Variants in PAICS observed in about 807,000 individuals in gnomAD.
The protein encoded by PAICS is bifunctional phosphoribosylaminoimidazole carboxylase/phosphoribosylaminoimidazole succinocarboxamide synthetase.
A neutral mutation model predicts 53.7 loss-of-function variants in PAICS; 33 were observed. The observed-to-expected ratio is 0.61, with a 90% CI of 0.47 to 0.82. The LOEUF (loss-of-function observed/expected upper bound fraction) is 0.82, where lower values mean the gene tolerates loss of function less well. Among genes scored for constraint, PAICS ranks in the 40% least tolerant of loss-of-function variants. PAICS has a pLI of 0.00. For missense variants in PAICS, 394 were observed against 494.1 expected, an observed-to-expected ratio of 0.80 and a Z score of 1.92; for synonymous variants, 141 against 167.2, an observed-to-expected ratio of 0.84 and a Z score of 1.21.
chr4:56,422,671 A>G, the PAICS span: 1 of 152,242 alleles, frequency 6.6e-6, no homozygotes, highest in East Asian at 1.9e-4. Context: ...TGAGGTCATG[A>G]GAGTGGTGCC....
chr4:56,438,402 T>A (rs867727567), intron 1 of PAICS, among the ~76,000 whole-genome samples: 1,360 of 132,144 alleles, frequency 0.01, 19 homozygotes, highest in African/African-American at 0.035. Flanking sequence ...TATATATATA[T>A]AAAAGGTTTT....
At chr4:56,428,508 T>G in the PAICS span, among the ~76,000 whole-genome samples, 15 of 152,168 alleles carry the variant, frequency 9.9e-5, no homozygotes, top group Non-Finnish European at 1.9e-4. Context: ...TATAGCATTT[T>G]ACAAAGAAAA....
the PAICS span, chr4:56,419,821 TAGAC>T: frequency 1.0e-6 from 1 of 984,210 alleles, no homozygotes; most frequent in South Asian, 4.7e-5. Context: ...AAATTTGGAA[TAGAC>T]AGAGACTGGA....
At chr4:56,415,655 CAAAA>C in the PAICS span, among the ~76,000 whole-genome samples, 1 of 151,832 alleles carries the variant, frequency 6.6e-6, no homozygotes, top group East Asian at 1.9e-4. Context: ...TCATACATGC[CAAAA>C]AAACAGCATT....
At chr4:56,432,541 A>AAG (rs1717644150), upstream of PAICS, among the ~76,000 whole-genome samples, 2 of 150,886 alleles carry the variant, frequency 1.3e-5, no homozygotes, top group African/African-American at 4.9e-5. Context: ...AAAAAAAAAA[A>AAG]AAGGGAGGCC....
intron 1 of PAICS, among the ~76,000 whole-genome samples, chr4:56,436,850 A>C (rs1324917423): frequency 2.7e-5 from 4 of 146,218 alleles, no homozygotes; most frequent in African/African-American, 1.0e-4. Context: ...ACAAAAAATT[A>C]GCTGGACGTG....
At chr4:56,429,882 A>C in the PAICS span, among the ~76,000 whole-genome samples, 1 of 152,170 alleles carries the variant, frequency 6.6e-6, no homozygotes, top group African/African-American at 2.4e-5. Context: ...CTTTCATTCA[A>C]CATTGTTTAT....
Position 56,436,663 on chromosome 4 carries a change from G to A in PAICS, c.16+335G>A, listed in dbSNP as rs1487659057. On this transcript the variant is annotated intron_variant, in intron 1 of 8. Coordinates refer to ENST00000512576, the MANE Select transcript of PAICS (RefSeq NM_001079524.2). The stretch of plus-strand genomic sequence containing the variant: ...GTCTTGCTTTGCCCGTTAGGTTAAT[G>A]ACCTTTCTAAGAAGGTTAATAATTG... The A allele has an allele frequency of 3.4e-5, 20 of 582,564 alleles. No individual in the cohort carries two copies. The East Asian group carries it at 6.9e-4, about 20-fold the overall frequency. The allele number at this position is 582,564 out of a possible 1,614,324, so 36.1% of individuals were successfully genotyped here. A position where few individuals can be genotyped will look rare whatever the true frequency, so the allele number is the denominator to read the frequency against.
Position 56,448,596 on chromosome 4 carries a change from A to G in PAICS, c.572A>G (p.Lys191Arg). Residue 191 changes from lysine (K) to arginine (R), a missense_variant and splice_region_variant, in exon 4 of 9, where the codon AAG becomes AGG. Around this residue, in one of 3 missense-constraint regions of PAICS, gnomAD observed 131 missense variants for 205.5 expected, o/e 0.64. Coordinates refer to ENST00000512576, the MANE Select transcript of PAICS (RefSeq NM_001079524.2). ...LPQNCTLVDM[K>R]IEFGVDVTTK... ...CAGAATTGTACACTGGTTGATATGAAGGTACAGATAAAACAAGTACAGATA... is the reference window on the plus strand; with the variant it reads ...CAGAATTGTACACTGGTTGATATGAGGGTACAGATAAAACAAGTACAGATA... The G allele has an allele frequency of 6.3e-7, 1 of 1,589,680 alleles. No homozygotes were observed. The highest frequency in any genetic ancestry group is 8.6e-7 in the Non-Finnish European group (1 of 1,163,852).
the PAICS span, among the ~76,000 whole-genome samples, chr4:56,415,095 T>C: frequency 2.0e-5 from 3 of 152,196 alleles, no homozygotes; most frequent in African/African-American, 7.2e-5. Context: ...TCAATGGGAA[T>C]GCCTGTAAAC....
Position 56,461,893 on chromosome 4 carries a change from A to G in PAICS, c.*2355A>G, listed in dbSNP as rs1719530124. 6.6e-6 allele frequency: 1 copy of G among 152,230 alleles called. No individual in the cohort carries two copies. Among genetic ancestry groups the G allele is most frequent in the South Asian group, 2.1e-4 (1 of 4,834 alleles). 9.4% of individuals were successfully genotyped at this position (152,230 alleles called of 1,614,324 possible). On this transcript the variant is annotated 3_prime_UTR_variant, in exon 9 of 9. Transcript: ENST00000512576. ...GTTTTTAACCTTTTATGATAAAGAC[A>G]TGCTTAGAATTGCTGTTAAGCTTTC...
chr4:56,417,466 G>A, the PAICS span, among the ~76,000 whole-genome samples: 1 of 151,902 alleles, frequency 6.6e-6, no homozygotes, highest in African/African-American at 2.4e-5. Flanking sequence ...AATTATTACT[G>A]AACCATTAAT....
At chr4:56,420,757 C>T in the PAICS span, 1 of 152,138 alleles carries the variant, frequency 6.6e-6, no homozygotes, top group Non-Finnish European at 1.5e-5. Context: ...ATACATGAGA[C>T]TTTCTTAGAA....
At chr4:56,430,198 T>C in the PAICS span, among the ~76,000 whole-genome samples, 1 of 152,330 alleles carries the variant, frequency 6.6e-6, no homozygotes, top group South Asian at 2.1e-4. Context: ...TTTGAAAAAT[T>C]GCATGTCTCT....
At chr4:56,435,702 G>C (rs533162729), upstream of PAICS, 1 of 1,465,098 alleles carries the variant, frequency 6.8e-7, no homozygotes, top group East Asian at 2.5e-5. Flanking sequence ...AGGGCGGAGG[G>C]GCGGTCCCGC....
At chr4:56,435,786 T>C (rs1402352996), upstream of PAICS, 10 of 1,509,658 alleles carry the variant, frequency 6.6e-6, no homozygotes, top group Non-Finnish European at 8.9e-6. Context: ...AAAGCTGTAT[T>C]TGCTGCACGT....
chr4:56,456,941 A>G (rs1358680108), intron 8 of PAICS, among the ~76,000 whole-genome samples: 1 of 152,118 alleles, frequency 6.6e-6, no homozygotes, highest in African/African-American at 2.4e-5. Context: ...GGAAACTTCA[A>G]GTGGGTGGTC....
chr4:56,443,626 A>G (rs752736227), intron 2 of PAICS, among the ~76,000 whole-genome samples: 1 of 152,238 alleles, frequency 6.6e-6, no homozygotes, highest in African/African-American at 2.4e-5. Flanking sequence ...TCACATAGCT[A>G]CAGGATTATA....
chr4:56,432,535 A>C (rs560981520), upstream of PAICS, among the ~76,000 whole-genome samples: 3 of 151,598 alleles, frequency 2.0e-5, no homozygotes, highest in Non-Finnish European at 2.9e-5. Context: ...CAAAAAAAAA[A>C]AAAAAAAAGG....
Sources: gnomAD v4.1 joint callset for allele counts (sites outside exome capture counted in the v4.1 genomes callset) on GRCh38, gnomAD v4.1.1 for gene constraint, gnomAD v4.1.1 regional missense constraint, MANE v1.5 for transcripts, NCBI Gene and HGNC (gene_info 2026-07-23, HGNC 2026-07-21) for gene names.